Variants in WAS observed in about 807,000 individuals in gnomAD.
The protein encoded by WAS is actin nucleation-promoting factor WAS.
In WAS, 1 loss-of-function variant was observed where a neutral mutation model predicts 38.9. The ratio of observed to expected loss-of-function variants is 0.03; its 90% CI spans 0.01 to 0.12. WAS has a LOEUF of 0.12. Among genes scored for constraint, WAS ranks in the 10% least tolerant of loss-of-function variants. The pLI is 1.00. For missense variants in WAS, 311 were observed against 431.2 expected, an observed-to-expected ratio of 0.72 and a Z score of 2.47; for synonymous variants, 182 against 173.6, an observed-to-expected ratio of 1.05 and a Z score of -0.38.
rs782605575 is a variant in WAS at position 48,685,586 on chromosome X, C to T, written c.313C>T (p.Leu105Phe). Residue 105 changes from leucine to phenylalanine, a missense_variant, in exon 3 of 12, where the codon CTT becomes TTT. Physicochemically the swap from Leu to Phe is conservative, Grantham distance 22. Coordinates refer to ENST00000376701, the MANE Select transcript of WAS (RefSeq NM_000377.3). Reference sequence around the variant, plus strand: ...CTGGGAACAGGAGCTGTACTCACAGCTTGTCTACTCCACCCCCACCCCCTT... The same window carrying T: ...CTGGGAACAGGAGCTGTACTCACAGTTTGTCTACTCCACCCCCACCCCCTT... ...LLWEQELYSQ[L>F]VYSTPTPFFH... The T allele has an allele frequency of 6.7e-6, 8 of 1,202,984 alleles. No individual in the cohort carries two copies. Among genetic ancestry groups the T allele is most frequent in the Non-Finnish European group, 9.0e-6 (8 of 891,240 alleles).
chrX:48,688,561 G>T lies in WAS; in HGVS notation c.932-99G>T, dbSNP rs1410884384. The T allele has an allele frequency of 4.7e-5, 56 of 1,191,522 alleles. 1 individual carries two copies. The highest frequency in any genetic ancestry group is 6.0e-5 in the Non-Finnish European group (53 of 879,970). ...GGGAGCACCTATACTGCTTCAGTCA[G>T]GAGTTGGTCAGTGGGGGTACCCATT... On this transcript the variant is annotated intron_variant, in intron 9 of 11. Coordinates refer to ENST00000376701, the MANE Select transcript of WAS (RefSeq NM_000377.3).
chrX:48,688,468 C>T lies in WAS; in HGVS notation c.931+15C>T, dbSNP rs781813385. Reference sequence around the variant, plus strand: ...GAGGCGCCAGGGTGAGACCCTGCTTCCATACGCTCCCTTCTCTAGCCCAAG... The same window carrying T: ...GAGGCGCCAGGGTGAGACCCTGCTTTCATACGCTCCCTTCTCTAGCCCAAG... On this transcript the variant is annotated intron_variant, in intron 9 of 11. Transcript: ENST00000376701. 3.3e-6 allele frequency: 4 copies of T among 1,210,361 alleles called. No individual in the cohort carries two copies. Among genetic ancestry groups the T allele is most frequent in the Non-Finnish European group, 4.5e-6 (4 of 894,891 alleles).
At chrX:48,683,276 G>A (rs1207946379), upstream of WAS, 1 of 111,694 alleles carries the variant, frequency 9.0e-6, no homozygotes, top group African/African-American at 3.3e-5. Flanking sequence ...AGTGGAAATG[G>A]GGTTTTGCCA....
In WAS at chrX:48,691,119, A is replaced by G. The variant is rs781858831; in HGVS notation, c.1466A>G (p.Asp489Gly). 1.2e-5 allele frequency: 15 copies of G among 1,207,473 alleles called. No individual in the cohort carries two copies. Among genetic ancestry groups the G allele is most frequent in the Admixed American group, 2.2e-5 (1 of 45,363 alleles). The change falls in exon 12 of 12, where the codon GAC (aspartate) becomes GGC (glycine). Residue 489 changes from aspartate to glycine, a missense_variant. Asp to Gly is a moderately conservative substitution (Grantham distance 94, BLOSUM62 -1). This residue lies in a region of WAS where 142 missense variants were observed against 157.6 expected (regional missense o/e 0.90). Transcript: ENST00000376701. ...RAIHSSDEGE[D>G]QAGDEDEDDE... is the part of the protein sequence containing the mutation. ...TCTTTCCCTCCAGACGAAGGGGAGG[A>G]CCAGGCTGGCGATGAAGATGAAGAT...
At chrX:48,683,512 T>C (rs235422), upstream of WAS, 2,929 of 204,149 alleles carry the variant, frequency 0.014, 91 homozygotes, top group African/African-American at 0.08. Context: ...CAGGGAGCCC[T>C]GCACACAGAT....
In WAS at chrX:48,684,610, A is replaced by C. The variant is rs184217101; in HGVS notation, c.273+187A>C. Among the ~76,000 whole-genome samples, 493 of 111,839 alleles carry C rather than the reference A, an allele frequency of 4.4e-3. 4 individuals carry two copies. Among genetic ancestry groups the C allele is most frequent in the African/African-American group, 0.016 (481 of 30,804 alleles). Reference sequence around the variant, plus strand: ...TTCTAAGTCTGCAATGACTGGCCCCAGTCTCCGTATCAAGATCTCTAAAGC... The same window carrying C: ...TTCTAAGTCTGCAATGACTGGCCCCCGTCTCCGTATCAAGATCTCTAAAGC... On this transcript the variant is annotated intron_variant, in intron 2 of 11. Coordinates refer to ENST00000376701, the MANE Select transcript of WAS (RefSeq NM_000377.3).
Position 48,687,513 on chromosome X carries a change from C to T in WAS, c.735-541C>T, listed in dbSNP as rs1396507134. 3.3e-4 allele frequency among the ~76,000 whole-genome samples: 36 copies of T among 110,401 alleles called. No homozygotes were observed. The Admixed American group carries it at 3.4e-3, about 11-fold the overall frequency. On this transcript the variant is annotated intron_variant, in intron 7 of 11. Coordinates refer to ENST00000376701, the MANE Select transcript of WAS (RefSeq NM_000377.3). ...ATGGGTGAGTGGATAGGTGTGTGGA[C>T]AGATTGATATGCAGGCTGATTGGCT...
intron 2 of WAS, 47 bp downstream of exon 2, chrX:48,684,470 G>T (rs1557006373): frequency 5.1e-6 from 6 of 1,178,908 alleles, no homozygotes; most frequent in Non-Finnish European, 6.8e-6. Flanking sequence ...TTCTCAACCC[G>T]CAAACCCAGA....
chrX:48,682,968 TG>T (rs781840404), upstream of WAS, among the ~76,000 whole-genome samples: 168 of 108,891 alleles, frequency 1.5e-3, no homozygotes, highest in African/African-American at 5.5e-3. Flanking sequence ...GGGTAAGGGA[TG>T]GGGAAGTGGA....
chrX:48,685,866 T>C (rs782267862), intron 4 of WAS, 30 bp downstream of exon 4: 1 of 1,206,480 alleles, frequency 8.3e-7, no homozygotes, highest in Admixed American at 2.2e-5. Context: ...GGAAAGGAAG[T>C]TGGGCAGAGG....
chrX:48,684,886 C>A (rs1252660023), intron 2 of WAS, among the ~76,000 whole-genome samples: 1 of 111,276 alleles, frequency 9.0e-6, no homozygotes, highest in Non-Finnish European at 1.9e-5. Flanking sequence ...ACAGCACAGA[C>A]CCCAGAGTTC....
At position 48,685,608 on chromosome X, in the gene WAS, C is replaced by G. The variant is rs1458417951; in HGVS notation, c.335C>G (p.Pro112Arg). 2 of 1,200,503 alleles carry G rather than the reference C, an allele frequency of 1.7e-6. No homozygotes were observed. The highest frequency in any genetic ancestry group is 2.2e-6 in the Non-Finnish European group (2 of 890,508). ...YSQLVYSTPT[P>R]FFHTFAGDDC... is the part of the protein sequence containing the mutation. ...CAGCTTGTCTACTCCACCCCCACCC[C>G]CTTCTTCCACACCTTCGCTGGAGAT... Residue 112 changes from proline (P) to arginine (R), a missense_variant, in exon 3 of 12, where the codon CCC (proline) becomes CGC (arginine). By Grantham distance (103) the Pro-to-Arg change is moderately radical. Transcript: ENST00000376701.
upstream of WAS, among the ~76,000 whole-genome samples, chrX:48,680,336 G>C (rs1183087211): frequency 9.0e-6 from 1 of 111,096 alleles, no homozygotes; most frequent in Non-Finnish European, 1.9e-5. Flanking sequence ...AGAGGCGTTT[G>C]AACCAGAGTG....
At chrX:48,689,089 A>G (rs781931808) in intron 10 of WAS, 23 bp downstream of exon 10, 1 of 1,184,927 alleles carries the variant, frequency 8.4e-7, no homozygotes, top group African/African-American at 1.8e-5. Context: ...AGGATGGAGG[A>G]TTGGGGGTCT....
intron 2 of WAS, 136 bp downstream of exon 2, chrX:48,684,559 T>C (rs2062413590): frequency 1.3e-5 from 11 of 850,464 alleles, no homozygotes; most frequent in Middle Eastern, 5.5e-4. Context: ...CAAAGACTCA[T>C]CCAGATGGCA....
In WAS at chrX:48,688,883, C is replaced by A; in HGVS notation, c.1155C>A (p.Pro385=). The change falls in exon 10 of 12, where the codon CCC becomes CCA. Residue 385 remains proline (P), a synonymous_variant. Transcript: ENST00000376701. ...GTTCTGGACCACTGCCCCCTCCACC[C>A]CCTGGAGCTGGTGGGCCACCCATGC... ...TGRSGPLPPP[P]PGAGGPPMPP... 1 of 1,166,980 alleles carries A rather than the reference C, an allele frequency of 8.6e-7. No individual in the cohort carries two copies. Among genetic ancestry groups the A allele is most frequent in the Non-Finnish European group, 1.1e-6 (1 of 872,813 alleles).
chrX:48,681,168 C>T (rs1470479817), upstream of WAS, among the ~76,000 whole-genome samples: 1 of 111,299 alleles, frequency 9.0e-6, no homozygotes, highest in African/African-American at 3.3e-5. Flanking sequence ...GTAGTGCTTA[C>T]GTTTTTTGTG....
upstream of WAS, among the ~76,000 whole-genome samples, chrX:48,681,597 A>G (rs1557005768): frequency 8.9e-6 from 1 of 112,722 alleles, no homozygotes; most frequent in African/African-American, 3.2e-5. Flanking sequence ...CAATGCTTCA[A>G]TACCCATTTA....
upstream of WAS, among the ~76,000 whole-genome samples, chrX:48,682,405 G>A (rs1259636300): frequency 8.9e-6 from 1 of 112,205 alleles, no homozygotes; most frequent in Non-Finnish European, 1.9e-5. Flanking sequence ...TGCCTGGCTC[G>A]CACTCCGGGC....
Sources: gnomAD v4.1 joint callset for allele counts (sites outside exome capture counted in the v4.1 genomes callset) on GRCh38, gnomAD v4.1.1 for gene constraint, gnomAD v4.1.1 regional missense constraint, MANE v1.5 for transcripts, NCBI Gene and HGNC (gene_info 2026-07-23, HGNC 2026-07-21) for gene names.